PCGF3: variants seen among roughly 807,000 people sequenced by gnomAD.
The protein encoded by PCGF3 is polycomb group RING finger protein 3.
A neutral mutation model predicts 33.1 loss-of-function variants in PCGF3; 7 were observed. The ratio of observed to expected loss-of-function variants is 0.21; its 90% CI spans 0.12 to 0.40. The LOEUF is 0.40. Ranked by LOEUF, PCGF3 falls within the 10% of genes least tolerant of loss-of-function variation. PCGF3 has a pLI of 1.00. For missense variants in PCGF3, 211 were observed against 313.3 expected, an observed-to-expected ratio of 0.67 and a Z score of 2.46; for synonymous variants, 153 against 121.3, an observed-to-expected ratio of 1.26 and a Z score of -1.72.
At chr4:750,970 G>A (rs1311300813) in intron 8 of PCGF3, among the ~76,000 whole-genome samples, 1 of 152,104 alleles carries the variant, frequency 6.6e-6, no homozygotes, top group East Asian at 1.9e-4. Context: ...TGTTACGGAG[G>A]CCTTTGCTTT....
Position 737,460 on chromosome 4 carries a change from T to C in PCGF3, c.207-6T>C. On this transcript the variant is annotated splice_region_variant and splice_polypyrimidine_tract_variant and intron_variant, in intron 5 of 10. Coordinates refer to ENST00000362003, the Ensembl canonical transcript of PCGF3. ...AGCTAACTCCACCTTTCTGTTCTTT[T>C]GCCAGTCATGACAGAACCATGCAAG... 9 of 1,599,122 alleles carry C rather than the reference T, an allele frequency of 5.6e-6. No homozygotes were observed. The highest frequency in any genetic ancestry group is 7.7e-6 in the Non-Finnish European group (9 of 1,166,556).
At chr4:761,710 C>T (rs1745069443) in intron 9 of PCGF3, 1 of 985,374 alleles carries the variant, frequency 1.0e-6, no homozygotes, top group African/African-American at 1.7e-5. Context: ...ACGAGAAATT[C>T]TGTGCTTTAA....
chr4:752,905 G>A (rs1029253463), intron 8 of PCGF3, among the ~76,000 whole-genome samples: 6 of 152,268 alleles, frequency 3.9e-5, no homozygotes, highest in Non-Finnish European at 7.3e-5. Context: ...CCCTCCTGGT[G>A]CCCGTCTGTC....
intron 3 of PCGF3, among the ~76,000 whole-genome samples, chr4:733,120 CT>C (rs1197314880): frequency 3.3e-5 from 5 of 151,748 alleles, no homozygotes; most frequent in African/African-American, 1.2e-4. Context: ...GCCTCAGGCT[CT>C]GGGAGACACA....
At chr4:756,506 C>T (rs1278556310) in intron 8 of PCGF3, among the ~76,000 whole-genome samples, 4 of 152,212 alleles carry the variant, frequency 2.6e-5, no homozygotes, top group Non-Finnish European at 2.9e-5. Context: ...AGCCACTGCA[C>T]CCGGCTCTTT....
intron 1 of PCGF3, among the ~76,000 whole-genome samples, chr4:716,288 G>A (rs1343392996): frequency 7.1e-6 from 1 of 140,350 alleles, no homozygotes; most frequent in African/African-American, 2.7e-5. Context: ...TAGACACTGA[G>A]TGTGAGAACT....
intron 5 of PCGF3, 57 bp from the exon 6 acceptor site, chr4:737,409 A>G: frequency 8.8e-7 from 1 of 1,138,586 alleles, no homozygotes; most frequent in Non-Finnish European, 1.3e-6. Flanking sequence ...TGGAAAGTGT[A>G]CAAGAATTAT....
intron 8 of PCGF3, among the ~76,000 whole-genome samples, chr4:755,322 G>T (rs1744720462): frequency 6.6e-6 from 1 of 151,950 alleles, no homozygotes; most frequent in East Asian, 2.0e-4. Flanking sequence ...CCAGTCTCCT[G>T]TGTGTGGGGT....
At chr4:758,577 C>A (rs1476928884) in intron 8 of PCGF3, among the ~76,000 whole-genome samples, 1 of 139,556 alleles carries the variant, frequency 7.2e-6, no homozygotes, top group Non-Finnish European at 1.6e-5. Context: ...TTTCCCCGCA[C>A]GGCCCCTCCC....
chr4:740,536 G>T (rs1209755642), intron 6 of PCGF3, among the ~76,000 whole-genome samples: 4 of 151,952 alleles, frequency 2.6e-5, no homozygotes, highest in African/African-American at 9.7e-5. Context: ...GGGCTGTGGG[G>T]CTCACGCACT....
chr4:738,310 C>A (rs991154800), intron 6 of PCGF3, among the ~76,000 whole-genome samples: 2 of 152,246 alleles, frequency 1.3e-5, no homozygotes, highest in Non-Finnish European at 2.9e-5. Flanking sequence ...CTGTTAGAGG[C>A]TTCTTCCCTA....
chr4:767,705 A>G (rs893606840), exon 11 of PCGF3: 1 of 152,430 alleles, frequency 6.6e-6, no homozygotes, highest in Non-Finnish European at 1.5e-5. Context: ...CTTTGTTAGG[A>G]ATTGGTCAAA....
intron 1 of PCGF3, among the ~76,000 whole-genome samples, chr4:712,358 A>G (rs1742605585): frequency 6.6e-6 from 1 of 152,234 alleles, no homozygotes; most frequent in Non-Finnish European, 1.5e-5. Context: ...CACTCTAGAA[A>G]ATATAGTCCT....
intron 6 of PCGF3, among the ~76,000 whole-genome samples, chr4:740,959 G>A (rs1163119764): frequency 6.6e-6 from 1 of 152,212 alleles, no homozygotes; most frequent in South Asian, 2.1e-4. Flanking sequence ...ACGTCAGAAC[G>A]AGGAAAGGAG....
chr4:727,404 CTAATTTTTTG>C (rs1171717690), intron 1 of PCGF3, among the ~76,000 whole-genome samples: 2 of 152,054 alleles, frequency 1.3e-5, no homozygotes, highest in Admixed American at 1.3e-4. Flanking sequence ...TTACACCTGG[CTAATTTTTTG>C]TATTTTTAGT....
At chr4:764,853 C>G (rs1247103732) in intron 9 of PCGF3, 131 bp from the exon 10 acceptor site, 1 of 644,266 alleles carries the variant, frequency 1.6e-6, no homozygotes, top group African/African-American at 1.8e-5. Context: ...AACCAGCCCC[C>G]CCCACCCCAT....
chr4:744,755 G>C (rs1392259464), intron 8 of PCGF3, 67 bp downstream of exon 8: 8 of 371,996 alleles, frequency 2.2e-5, no homozygotes, highest in South Asian at 5.3e-5. Context: ...GGTGGGCGGG[G>C]CCCGGGGGTC....
At chr4:717,701 G>T (rs1255144049) in intron 1 of PCGF3, among the ~76,000 whole-genome samples, 1 of 152,246 alleles carries the variant, frequency 6.6e-6, no homozygotes, top group African/African-American at 2.4e-5. Context: ...TTCAAACAAG[G>T]TAGTCTCTGC....
intron 8 of PCGF3, among the ~76,000 whole-genome samples, chr4:752,470 A>C (rs1047633708): frequency 6.6e-6 from 1 of 152,198 alleles, no homozygotes; most frequent in South Asian, 2.1e-4. Context: ...ATGCACGGCC[A>C]CAGCTGTTCC....
Sources: allele counts gnomAD v4.1 joint callset (sites outside exome capture counted in the v4.1 genomes callset), GRCh38; gene constraint gnomAD v4.1.1; transcripts MANE v1.5; gene names NCBI Gene and HGNC (gene_info 2026-07-23, HGNC 2026-07-21).